DDX1: variants seen among roughly 807,000 people sequenced by gnomAD.
The protein encoded by DDX1 is DEAD-box helicase 1, also known as ATP-dependent RNA helicase DDX1.
Under a neutral mutation model 108.7 loss-of-function variants are expected in DDX1, and 28 were observed. That is an observed-to-expected ratio of 0.26 (90% CI 0.19 to 0.35). The LOEUF (loss-of-function observed/expected upper bound fraction) is 0.35. DDX1 is among the 10% of genes least tolerant of loss of function. The pLI is 1.00. For missense variants in DDX1, 710 were observed against 884.5 expected, an observed-to-expected ratio of 0.80 and a Z score of 2.50; for synonymous variants, 295 against 288.9, an observed-to-expected ratio of 1.02 and a Z score of -0.21.
chr2:15,609,970 C>CT (rs1665726353), intron 13 of DDX1, among the ~76,000 whole-genome samples: 1 of 152,178 alleles, frequency 6.6e-6, no homozygotes, highest in South Asian at 2.1e-4. Context: ...AGGTCTCACT[C>CT]TGTCACCTAG....
intron 13 of DDX1, among the ~76,000 whole-genome samples, chr2:15,609,648 A>G (rs952282636): frequency 1.3e-5 from 2 of 152,218 alleles, no homozygotes; most frequent in South Asian, 4.1e-4. Context: ...TGCTTTGCGT[A>G]TAAGCATCAA....
At chr2:15,599,813 AC>A in intron 6 of DDX1, 97 bp downstream of exon 6, 1 of 882,438 alleles carries the variant, frequency 1.1e-6, no homozygotes, top group Non-Finnish European at 1.8e-6. Flanking sequence ...GATTTAATTT[AC>A]CAGATATTAG....
Position 15,606,186 on chromosome 2 carries a change from T to G in DDX1, c.739T>G (p.Phe247Val). The G allele has an allele frequency of 6.2e-7, 1 of 1,614,120 alleles. No individual in the cohort carries two copies. Among genetic ancestry groups the G allele is most frequent in the Non-Finnish European group, 8.5e-7 (1 of 1,179,974 alleles). ...GAAATTTAACTTCGGTGAAGAGGAATTTAAGTTTCCACCAAAAGATGGCTT... is the reference window on the plus strand; with the variant it reads ...GAAATTTAACTTCGGTGAAGAGGAAGTTAAGTTTCCACCAAAAGATGGCTT... ...ELKFNFGEEE[F>V]KFPPKDGFVA... Residue 247 changes from phenylalanine (F) to valine (V), a missense_variant, in exon 12 of 26, where the codon TTT becomes GTT. Phe to Val is a conservative substitution (Grantham distance 50, BLOSUM62 -1). Transcript: ENST00000233084.
intron 2 of DDX1, 100 bp downstream of exon 2, chr2:15,595,296 T>G: frequency 1.8e-6 from 2 of 1,111,564 alleles, no homozygotes; most frequent in East Asian, 2.5e-5. Flanking sequence ...GTTGGGTAAG[T>G]GAAAATCAGG....
intron 8 of DDX1, 70 bp downstream of exon 8, chr2:15,603,345 G>GCTTCC: frequency 9.5e-7 from 1 of 1,055,152 alleles, no homozygotes; most frequent in Non-Finnish European, 1.4e-6. Context: ...ATTTGGGGAA[G>GCTTCC]CAAAATAATA....
chr2:15,613,182 A>ATT, intron 13 of DDX1, 42 bp from the exon 14 acceptor site: 2 of 1,255,948 alleles, frequency 1.6e-6, no homozygotes, highest in South Asian at 1.4e-5. Context: ...AGCAGACTTT[A>ATT]ATTTTTTTTT....
At position 15,630,984 on chromosome 2, in the gene DDX1, A is replaced by G. The variant is rs1207582530; in HGVS notation, c.*78A>G. 2.8e-6 allele frequency: 4 copies of G among 1,415,402 alleles called. No individual in the cohort carries two copies. The highest frequency in any genetic ancestry group is 1.8e-5 in the Admixed American group (1 of 55,536). The allele number at this position is 1,415,402 out of a possible 1,614,324, so 87.7% of individuals were successfully genotyped here. On this transcript the variant is annotated 3_prime_UTR_variant, in exon 26 of 26. Coordinates refer to ENST00000233084, the MANE Select transcript of DDX1 (RefSeq NM_004939.3). ...CTCTAAAACAGTTGTACTGCTTCCA[A>G]GCAGCAGTATTTATAGTAACGTAAG...
chr2:15,591,948 C>T lies in DDX1; in HGVS notation c.15C>T (p.Ser5=), dbSNP rs936099164. MAAF[S]EMGVMPEIAQ... ...ACGGGGTGAAGATGGCGGCCTTCTC[C>T]GGTGCGTTTGTGGAAACTCTGGGGG... The change falls in exon 1 of 26, where the codon TCC becomes TCT. Residue 5 remains serine, a splice_region_variant and synonymous_variant. Transcript: ENST00000233084. The T allele has an allele frequency of 1.5e-5, 21 of 1,433,082 alleles. No individual in the cohort carries two copies. Among genetic ancestry groups the T allele is most frequent in the East Asian group, 6.0e-5 (2 of 33,292 alleles). The allele number at this position is 1,433,082 out of a possible 1,614,324, so 88.8% of individuals were successfully genotyped here.
intron 13 of DDX1, among the ~76,000 whole-genome samples, chr2:15,609,027 A>G (rs1665714315): frequency 6.6e-6 from 1 of 152,232 alleles, no homozygotes; most frequent in Non-Finnish European, 1.5e-5. Flanking sequence ...ATGAAAATTA[A>G]TCTTCCTTTC....
At chr2:15,607,451 T>C (rs1257398282) in intron 13 of DDX1, 138 bp downstream of exon 13, 11 of 632,678 alleles carry the variant, frequency 1.7e-5, no homozygotes, top group Non-Finnish European at 2.8e-5. Context: ...AAATATACTT[T>C]AATAATTTCC....
At chr2:15,616,361 G>T (rs1048912565) in intron 14 of DDX1, among the ~76,000 whole-genome samples, 4 of 152,102 alleles carry the variant, frequency 2.6e-5, no homozygotes, top group African/African-American at 9.7e-5. Context: ...ATTAAGAAGA[G>T]GGCTTATATC....
At chr2:15,607,365 T>C in intron 13 of DDX1, 52 bp downstream of exon 13, 1 of 1,559,978 alleles carries the variant, frequency 6.4e-7, no homozygotes. Context: ...TTTGAAGTTT[T>C]TTGGAAGAAG....
At chr2:15,612,190 A>AC (rs1208279697) in intron 13 of DDX1, among the ~76,000 whole-genome samples, 1 of 139,078 alleles carries the variant, frequency 7.2e-6, no homozygotes. Context: ...GCGGTGGGTG[A>AC]CCCCCACCTC....
At chr2:15,624,014 T>A (rs1204672870) in intron 19 of DDX1, among the ~76,000 whole-genome samples, 1 of 152,084 alleles carries the variant, frequency 6.6e-6, no homozygotes, top group Non-Finnish European at 1.5e-5. Context: ...TAGAATAAGA[T>A]CAATGTTGGA....
At position 15,597,365 on chromosome 2, in the gene DDX1, T is replaced by C; in HGVS notation, c.163-10T>C. 1 of 1,552,336 alleles carries C rather than the reference T, an allele frequency of 6.4e-7. No individual in the cohort carries two copies. The stretch of plus-strand genomic sequence containing the variant: ...AATACTAATATAGATACCTTTTGTT[T>C]CTTTGATAGGCTTTTAGTATTCCAG... On this transcript the variant is annotated splice_polypyrimidine_tract_variant and intron_variant, in intron 4 of 25. Coordinates refer to ENST00000233084, the MANE Select transcript of DDX1 (RefSeq NM_004939.3).
At position 15,620,786 on chromosome 2, in the gene DDX1, G is replaced by A. The variant is rs187060837; in HGVS notation, c.1396-279G>A. 6.8e-3 allele frequency among the ~76,000 whole-genome samples: 1,040 copies of A among 152,030 alleles called. 4 individuals are homozygous for A. Among genetic ancestry groups the A allele is most frequent in the Non-Finnish European group, 0.01 (696 of 67,964 alleles). On this transcript the variant is annotated intron_variant, in intron 17 of 25. Coordinates refer to ENST00000233084, the MANE Select transcript of DDX1 (RefSeq NM_004939.3). ...CACTTTCTTCACTGTGATTAGATTT[G>A]CCTTTATATAGTAAGGTTATATTTA...
At chr2:15,618,699 C>T (rs971274889) in intron 16 of DDX1, among the ~76,000 whole-genome samples, 1 of 152,254 alleles carries the variant, frequency 6.6e-6, no homozygotes, top group Non-Finnish European at 1.5e-5. Context: ...GCCTGTCTGC[C>T]TCCTGCTGCT....
rs559516271 is a variant in DDX1 at position 15,617,412 on chromosome 2, A to C, written c.1116+70A>C. ...TTTTTGAGATAAAATATATAAAATG[A>C]AGAAGAAATATAATTCAGTCATGAT... is the stretch of plus-strand genomic sequence containing the variant. On this transcript the variant is annotated intron_variant, in intron 15 of 25. Coordinates refer to ENST00000233084, the MANE Select transcript of DDX1 (RefSeq NM_004939.3). The C allele has an allele frequency of 1.1e-4, 92 of 860,882 alleles. No individual in the cohort carries two copies. The African/African-American group carries it at 1.2e-3, about 11-fold the overall frequency. 53.3% of individuals were successfully genotyped at this position (860,882 alleles called of 1,614,324 possible). A position where few individuals can be genotyped will look rare whatever the true frequency, so the allele number is the denominator to read the frequency against.
At chr2:15,622,766 A>G (rs1024859899) in intron 18 of DDX1, among the ~76,000 whole-genome samples, 3 of 152,178 alleles carry the variant, frequency 2.0e-5, no homozygotes, top group African/African-American at 4.8e-5. Flanking sequence ...TTTTTCTTGC[A>G]TAAGTTTTGC....
Sources: allele counts gnomAD v4.1 joint callset (sites outside exome capture counted in the v4.1 genomes callset), GRCh38; gene constraint gnomAD v4.1.1; transcripts MANE v1.5; gene names NCBI Gene and HGNC (gene_info 2026-07-23, HGNC 2026-07-21).